DPP6: variants seen among roughly 807,000 people sequenced by gnomAD.
The protein encoded by DPP6 is A-type potassium channel modulatory protein DPP6.
DPP6 carries 69 observed loss-of-function variants against 122.6 expected under a neutral mutation model. The ratio of observed to expected loss-of-function variants is 0.56; its 90% CI spans 0.46 to 0.69. The LOEUF (loss-of-function observed/expected upper bound fraction) is 0.69. Ranked by LOEUF, DPP6 falls within the 30% of genes least tolerant of loss-of-function variation. The pLI is 0.00. For synonymous variants in DPP6, 418 were observed against 433.1 expected, an observed-to-expected ratio of 0.97 and a Z score of 0.43; for missense variants, 928 against 1,116.9, an observed-to-expected ratio of 0.83 and a Z score of 2.41.
intron 1 of DPP6, among the ~76,000 whole-genome samples, chr7:154,396,996 G>T (rs1241124255): frequency 6.6e-6 from 1 of 151,872 alleles, no homozygotes; most frequent in Non-Finnish European, 1.5e-5. Flanking sequence ...TATAATAAAT[G>T]ATGAAATCTA....
chr7:154,855,552 C>T (rs1026291381), intron 17 of DPP6, among the ~76,000 whole-genome samples: 3 of 152,180 alleles, frequency 2.0e-5, no homozygotes, highest in Non-Finnish European at 2.9e-5. Flanking sequence ...GCGGTATCCC[C>T]GGAAGGATGT....
intron 3 of DPP6, among the ~76,000 whole-genome samples, chr7:154,504,771 T>G (rs2129679962): frequency 6.6e-6 from 1 of 151,186 alleles, no homozygotes; most frequent in South Asian, 2.1e-4. Flanking sequence ...GACAAAACGG[T>G]AATGGAAAAT....
At chr7:154,768,184 G>A (rs889160232) in intron 8 of DPP6, among the ~76,000 whole-genome samples, 2 of 152,244 alleles carry the variant, frequency 1.3e-5, no homozygotes, top group African/African-American at 4.8e-5. Context: ...CCCCCTTCAT[G>A]AACCCTCCTC....
chr7:154,732,045 G>GT (rs534234100), intron 8 of DPP6, among the ~76,000 whole-genome samples: 3,393 of 145,594 alleles, frequency 0.023, 107 homozygotes, highest in African/African-American at 0.073. Context: ...TCTTTTGTTT[G>GT]TTTTTTTTTT....
At chr7:154,035,900 A>T (rs1407892994) in intron 1 of DPP6, among the ~76,000 whole-genome samples, 2 of 151,978 alleles carry the variant, frequency 1.3e-5, no homozygotes, top group Non-Finnish European at 2.9e-5. Flanking sequence ...TGGCAAACGT[A>T]AAGTACTTAA....
intron 8 of DPP6, among the ~76,000 whole-genome samples, chr7:154,766,798 C>T (rs1304393057): frequency 6.6e-6 from 1 of 152,206 alleles, no homozygotes; most frequent in African/African-American, 2.4e-5. Context: ...AAGCATGACC[C>T]ACTTTGGACT....
the DPP6 span, among the ~76,000 whole-genome samples, chr7:153,854,380 C>T: frequency 6.6e-6 from 1 of 151,810 alleles, no homozygotes; most frequent in Non-Finnish European, 1.5e-5. Context: ...TGAACTCCAA[C>T]AAATTTACAA....
intron 1 of DPP6, among the ~76,000 whole-genome samples, chr7:153,943,136 G>T (rs1398207795): frequency 6.6e-6 from 1 of 152,120 alleles, no homozygotes; most frequent in African/African-American, 2.4e-5. Context: ...TTAATAAGGT[G>T]TTTAAAAAGG....
In DPP6 at chr7:154,095,700, T is replaced by C. The variant is rs1440216638; in HGVS notation, c.243+42637T>C. The C allele has an allele frequency of 2.5e-4, 28 of 112,768 alleles. 5 individuals are homozygous for C. In the East Asian group the frequency reaches 7.9e-3, roughly 32 times the overall value. The allele number at this position is 112,768 out of a possible 1,614,324, so 7.0% of individuals were successfully genotyped here. On this transcript the variant is annotated intron_variant, in intron 1 of 25. Coordinates refer to ENST00000377770, the MANE Select transcript of DPP6 (RefSeq NM_130797.4). ...AGGTCTTTTCCGGTGTTCTGCTTTT[T>C]CCTGGGAGGCGGCCTTGGCGTGTCC...
At chr7:154,873,512 CCT>C (rs1370548900) in intron 19 of DPP6, among the ~76,000 whole-genome samples, 3 of 152,172 alleles carry the variant, frequency 2.0e-5, no homozygotes, top group Non-Finnish European at 4.4e-5. Flanking sequence ...GCAACTACCC[CCT>C]GAGTAAACGC....
chr7:154,712,797 G>C lies in DPP6; in HGVS notation c.763-14970G>C, dbSNP rs2316239. Among the ~76,000 whole-genome samples the C allele has an allele frequency of 8.8e-3, 1,344 of 152,296 alleles. 23 individuals carry two copies. Among genetic ancestry groups the C allele is most frequent in the African/African-American group, 0.031 (1,285 of 41,556 alleles). ...AACTACAGTTCAGGATGAGATATGG[G>C]TGGGGACACAGCCAAACCATATCAT... On this transcript the variant is annotated intron_variant, in intron 7 of 25. Coordinates refer to ENST00000377770, the MANE Select transcript of DPP6 (RefSeq NM_130797.4).
At position 154,669,992 on chromosome 7, in the gene DPP6, T is replaced by G. The variant is rs145421369; in HGVS notation, c.762+551T>G. On this transcript the variant is annotated intron_variant, in intron 7 of 25. Transcript: ENST00000377770. ...CTCCTGCCTCAGCCTCCCCAGTAGC[T>G]GGGATCACAGGCGTACTCCACCACA... is the stretch of plus-strand genomic sequence containing the variant. Among the ~76,000 whole-genome samples, 1,100 of 152,264 alleles carry G rather than the reference T, an allele frequency of 7.2e-3. 9 individuals are homozygous for G. Among genetic ancestry groups the G allele is most frequent in the African/African-American group, 0.025 (1,035 of 41,554 alleles).
intron 1 of DPP6, among the ~76,000 whole-genome samples, chr7:154,440,696 G>T (rs529025462): frequency 5.9e-5 from 9 of 152,344 alleles, no homozygotes; most frequent in African/African-American, 1.9e-4. Context: ...GATAGAAGAA[G>T]AGATTGATTG....
intron 1 of DPP6, among the ~76,000 whole-genome samples, chr7:154,275,109 C>CT (rs1342995502): frequency 6.6e-6 from 1 of 152,270 alleles, no homozygotes; most frequent in African/African-American, 2.4e-5. Context: ...AGAGCTCTTA[C>CT]TGCCCGCCTG....
At chr7:153,888,823 G>T (rs1414433035) in intron 1 of DPP6, among the ~76,000 whole-genome samples, 1 of 148,196 alleles carries the variant, frequency 6.7e-6, no homozygotes, top group Non-Finnish European at 1.5e-5. Flanking sequence ...AAGAATTGAA[G>T]AAATTCTTTC....
intron 5 of DPP6, among the ~76,000 whole-genome samples, chr7:154,575,375 A>AG (rs1586662725): frequency 9.5e-4 from 33 of 34,758 alleles, no homozygotes; most frequent in East Asian, 9.3e-3. Context: ...ATGTGTGTGT[A>AG]TGTGTGTGAT....
chr7:154,614,617 C>T (rs773117647), intron 5 of DPP6, among the ~76,000 whole-genome samples: 1 of 152,176 alleles, frequency 6.6e-6, no homozygotes, highest in Non-Finnish European at 1.5e-5. Context: ...ATTGCTTGTG[C>T]TTAAATTAAT....
At chr7:154,855,297 CA>C (rs1252300321) in intron 17 of DPP6, among the ~76,000 whole-genome samples, 2 of 152,030 alleles carry the variant, frequency 1.3e-5, no homozygotes, top group African/African-American at 4.8e-5. Flanking sequence ...ATCATAAAAC[CA>C]GAAATAAATT....
chr7:154,287,680 G>A lies in DPP6; in HGVS notation c.244-158534G>A, dbSNP rs76559009. The stretch of plus-strand genomic sequence containing the variant: ...CTTGGCTTGTGGAGACGACCAGCTC[G>A]GCCACACTTCTGAGATTAGGACTCC... On this transcript the variant is annotated intron_variant, in intron 1 of 25. Coordinates refer to ENST00000377770, the MANE Select transcript of DPP6 (RefSeq NM_130797.4). Among the ~76,000 whole-genome samples, 705 of 152,256 alleles carry A rather than the reference G, an allele frequency of 4.6e-3. 8 individuals carry two copies. Among genetic ancestry groups the A allele is most frequent in the East Asian group, 0.043 (221 of 5,160 alleles).
Sources: gnomAD v4.1 joint callset for allele counts (sites outside exome capture counted in the v4.1 genomes callset) on GRCh38, gnomAD v4.1.1 for gene constraint, MANE v1.5 for transcripts, NCBI Gene and HGNC (gene_info 2026-07-23, HGNC 2026-07-21) for gene names.